KLC4: variants seen among roughly 807,000 people sequenced by gnomAD.
The protein encoded by KLC4 is kinesin light chain 4.
In KLC4, 49 loss-of-function variants were observed where a neutral mutation model predicts 77.2. The ratio of observed to expected loss-of-function variants is 0.63; its 90% confidence interval spans 0.50 to 0.80. The LOEUF is 0.80. Among genes scored for constraint, KLC4 ranks in the 30% least tolerant of loss-of-function variants. The probability of loss-of-function intolerance (pLI) is 0.00; values close to 1 mark genes in which losing one functional copy is unlikely to be tolerated. For synonymous variants in KLC4, 274 were observed against 314.5 expected (o/e 0.87, Z 1.36); for missense variants, 669 against 793.5 (o/e 0.84, Z 1.89).
chr6:43,073,293 A>G lies in KLC4; in HGVS notation c.1700A>G (p.Glu567Gly). Residue 567 changes from glutamate (E) to glycine (G), a missense_variant, in exon 14 of 16, where the codon GAA becomes GGA. Transcript: ENST00000347162. ...KIRDVLRRSS[E>G]LLVRKLQGTE... ...CGGGATGTGCTCCGCAGAAGCAGTG[A>G]ACTCTTGGTGAGGAAGCTCCAGGGG... 6.2e-7 allele frequency: 1 copy of G among 1,614,106 alleles called. No homozygotes were observed. Among genetic ancestry groups the G allele is most frequent in the Non-Finnish European group, 8.5e-7 (1 of 1,180,014 alleles).
Position 43,070,782 on chromosome 6 carries a change from C to T in KLC4, c.1072C>T (p.Arg358Cys), listed in dbSNP as rs148146045. 45 of 1,613,996 alleles carry T rather than the reference C, an allele frequency of 2.8e-5. No individual in the cohort carries two copies. The highest frequency in any genetic ancestry group is 4.0e-5 in the African/African-American group (3 of 74,902). Reference sequence around the variant, plus strand: ...CCAGGGCAAGTATGAGGCCGTGGAACGCTACTACCAGCGAGCACTGGCCAT... The same window carrying T: ...CCAGGGCAAGTATGAGGCCGTGGAATGCTACTACCAGCGAGCACTGGCCAT... ...QNQGKYEAVE[R>C]YYQRALAIYE... Residue 358 changes from arginine (R) to cysteine (C), a missense_variant, in exon 8 of 16, where the codon CGC becomes TGC. Coordinates refer to ENST00000347162, the MANE Select transcript of KLC4 (RefSeq NM_201521.3).
At position 43,067,049 on chromosome 6, in the gene KLC4, T is replaced by C; in HGVS notation, c.845T>C (p.Ile282Thr). ...CACCTGCTGAATGATGCCCTTAGCA[T>C]CCGGGAGAGCACCTTGGGACCTGAC... ...AAHLLNDALSIRESTLGPDHP... is the reference protein window; with the variant it reads ...AAHLLNDALSTRESTLGPDHP... Residue 282 changes from isoleucine to threonine, a missense_variant, in exon 6 of 16, where the codon ATC (isoleucine) becomes ACC (threonine). Transcript: ENST00000347162. 6.2e-7 allele frequency: 1 copy of C among 1,614,124 alleles called. No homozygotes were observed. Among genetic ancestry groups the C allele is most frequent in the Non-Finnish European group, 8.5e-7 (1 of 1,180,000 alleles).
chr6:43,072,870 A>C lies in KLC4; in HGVS notation c.1535A>C (p.Glu512Ala). ...SQTKVAELLG[E>A]SDGRRTSQEG... ...ACGAAGGTGGCAGAGCTGCTTGGGG[A>C]GAGTGATGGTAGAAGGACCTCCCAG... The change falls in exon 13 of 16, where the codon GAG (glutamate) becomes GCG (alanine). Residue 512 changes from glutamate to alanine, a missense_variant. Physicochemically the swap from Glu to Ala is moderately radical, Grantham distance 107 (BLOSUM62 -1). Coordinates refer to ENST00000347162, the MANE Select transcript of KLC4 (RefSeq NM_201521.3). 6.2e-7 allele frequency: 1 copy of C among 1,613,512 alleles called. No homozygotes were observed. Among genetic ancestry groups the C allele is most frequent in the Non-Finnish European group, 8.5e-7 (1 of 1,179,766 alleles).
chr6:43,071,989 C>T (rs945401642), intron 11 of KLC4, 67 bp downstream of exon 11: 3 of 1,505,568 alleles, frequency 2.0e-6, no homozygotes, highest in Admixed American at 1.9e-5. Context: ...TCCCAGCCTC[C>T]CAGACCTTTT....
chr6:43,070,399 G>A lies in KLC4; in HGVS notation c.925G>A (p.Gly309Ser). The part of the protein sequence containing the change: ...NNLAVLYGKR[G>S]KYKEAEPLCQ... ...TTTGGCTGTGCTCTATGGCAAAAGGGGCAAGTACAAGGAGGCAGAGCCTCT... is the reference window on the plus strand; with the variant it reads ...TTTGGCTGTGCTCTATGGCAAAAGGAGCAAGTACAAGGAGGCAGAGCCTCT... The change falls in exon 7 of 16, where the codon GGC becomes AGC. Residue 309 changes from glycine (G) to serine (S), a missense_variant. Gly to Ser is a moderately conservative substitution (Grantham distance 56, BLOSUM62 0). Transcript: ENST00000347162. 1 of 1,614,186 alleles carries A rather than the reference G, an allele frequency of 6.2e-7. No homozygotes were observed. Among genetic ancestry groups the A allele is most frequent in the Non-Finnish European group, 8.5e-7 (1 of 1,180,026 alleles).
chr6:43,060,140 C>A, intron 1 of KLC4: 1 of 1,598,680 alleles, frequency 6.3e-7, no homozygotes. Context: ...CATCATCGGG[C>A]ATTGTGGAGG....
In KLC4 at chr6:43,074,702, T is replaced by TC. The variant is rs34705017; in HGVS notation, c.*36dup. ...CAACCCGGCCCCCAGGTCTGCTGGGTCCCCCCACCCCCACAGCCCTCACAG... is the reference window on the plus strand; with the variant it reads ...CAACCCGGCCCCCAGGTCTGCTGGGTCCCCCCCACCCCCACAGCCCTCACAG... On this transcript the variant is annotated 3_prime_UTR_variant, in exon 16 of 16. Transcript: ENST00000347162. 3.1e-6 allele frequency: 5 copies of TC among 1,593,494 alleles called. No individual in the cohort carries two copies. The East Asian group carries it at 6.7e-5, about 21-fold the overall frequency.
chr6:43,072,396 G>C (rs1476515748), intron 12 of KLC4, 141 bp downstream of exon 12: 3 of 652,618 alleles, frequency 4.6e-6, no homozygotes, highest in Non-Finnish European at 8.0e-6. Flanking sequence ...GCAGTGTTGT[G>C]ATTGTGGTTG....
intron 6 of KLC4, 139 bp downstream of exon 6, chr6:43,067,222 TCCAGGCACTG>T: frequency 3.5e-6 from 5 of 1,429,338 alleles, no homozygotes; most frequent in Non-Finnish European, 3.7e-6. Flanking sequence ...AGTCCTTTCT[TCCAGGCACTG>T]TCCAGTGATC....
intron 1 of KLC4, 114 bp downstream of exon 1, chr6:43,059,799 C>G: frequency 8.5e-7 from 1 of 1,176,154 alleles, no homozygotes; most frequent in Non-Finnish European, 1.1e-6. Context: ...AAACTCCAGC[C>G]TCCAAAACTC....
chr6:43,073,250 G>C lies in KLC4; in HGVS notation c.1657G>C (p.Gly553Arg). ...GDGSGTLQRS[G>R]SLGKIRDVLR... ...TGGCAGTGGGACCCTGCAGAGGAGT[G>C]GCTCTCTTGGCAAGATCCGGGATGT... Residue 553 changes from glycine to arginine, a missense_variant, in exon 14 of 16, where the codon GGC becomes CGC. Gly to Arg is a moderately radical substitution (Grantham distance 125). Coordinates refer to ENST00000347162, the MANE Select transcript of KLC4 (RefSeq NM_201521.3). The C allele has an allele frequency of 6.2e-7, 1 of 1,614,118 alleles. No individual in the cohort carries two copies. Among genetic ancestry groups the C allele is most frequent in the East Asian group, 2.2e-5 (1 of 44,880 alleles).
chr6:43,065,231 C>T (rs565501762), intron 3 of KLC4, among the ~76,000 whole-genome samples: 12 of 152,158 alleles, frequency 7.9e-5, no homozygotes, highest in East Asian at 1.9e-4. Flanking sequence ...TGCGCCACCA[C>T]GCCCGGCTAA....
intron 5 of KLC4, 22 bp downstream of exon 5, chr6:43,066,547 T>C: frequency 6.3e-7 from 1 of 1,587,714 alleles, no homozygotes; most frequent in Non-Finnish European, 8.6e-7. Flanking sequence ...CCTCCTCCAG[T>C]GCCCAGATCT....
chr6:43,063,646 C>T (rs530237825), intron 3 of KLC4, among the ~76,000 whole-genome samples: 19 of 152,096 alleles, frequency 1.2e-4, no homozygotes, highest in African/African-American at 2.9e-4. Flanking sequence ...CTCCGCCTCC[C>T]GGGTTCAAGC....
At chr6:43,068,328 C>T (rs1034843635) in intron 6 of KLC4, among the ~76,000 whole-genome samples, 12 of 146,940 alleles carry the variant, frequency 8.2e-5, no homozygotes, top group Non-Finnish European at 1.3e-4. Context: ...AAAAATTAGC[C>T]GGGCGTGGTG....
chr6:43,074,359 G>T, intron 15 of KLC4: 1 of 503,670 alleles, frequency 2.0e-6, no homozygotes, highest in Non-Finnish European at 3.5e-6. Flanking sequence ...ATATTTTAAT[G>T]GCAAATGACT....
chr6:43,070,481 C>T (rs374096281), intron 7 of KLC4, 26 bp downstream of exon 7: 2 of 1,568,548 alleles, frequency 1.3e-6, no homozygotes, highest in Non-Finnish European at 1.8e-6. Context: ...CTCCCTTCTT[C>T]TCTTGTCGCT....
chr6:43,072,030 T>G, intron 11 of KLC4, 108 bp downstream of exon 11: 1 of 1,395,418 alleles, frequency 7.2e-7, no homozygotes, highest in Admixed American at 1.8e-5. Context: ...CCCTCAGCTT[T>G]AGCTCTGTTC....
In KLC4 at chr6:43,072,264, C is replaced by T; in HGVS notation, c.1488+9C>T. 6.2e-7 allele frequency: 1 copy of T among 1,603,990 alleles called. No individual in the cohort carries two copies. Among genetic ancestry groups the T allele is most frequent in the Non-Finnish European group, 8.5e-7 (1 of 1,170,912 alleles). On this transcript the variant is annotated intron_variant, in intron 12 of 15. Coordinates refer to ENST00000347162, the MANE Select transcript of KLC4 (RefSeq NM_201521.3). ...TGCGGTCCCGGAGACAGGTCAGAAG[C>T]CCAGAGGGGAAGGAGGTCCTAGAGG...
Sources: gnomAD v4.1 joint callset for allele counts (sites outside exome capture counted in the v4.1 genomes callset) on GRCh38, gnomAD v4.1.1 for gene constraint, MANE v1.5 for transcripts, NCBI Gene and HGNC (gene_info 2026-07-23, HGNC 2026-07-21) for gene names.